The following ATP8A2 variants were observed in gnomAD, a reference collection of about 807,000 sequenced individuals.
ATP8A2 encodes ATPase phospholipid transporting 8A2, also known as phospholipid-transporting ATPase IB.
Under a neutral mutation model 165.6 loss-of-function variants are expected in ATP8A2, and 100 were observed. The observed-to-expected ratio is 0.60, with a 90% CI of 0.51 to 0.71. The LOEUF (loss-of-function observed/expected upper bound fraction) is 0.71, where lower values mean the gene tolerates loss of function less well. Ranked by LOEUF, ATP8A2 falls within the 30% of genes least tolerant of loss-of-function variation. The pLI is 0.00. For synonymous variants in ATP8A2, 543 were observed against 548.8 expected (o/e 0.99, Z 0.15); for missense variants, 1,227 against 1,479.5 (o/e 0.83, Z 2.80).
At chr13:25,907,431 T>G (rs1953975469) in intron 33 of ATP8A2, among the ~76,000 whole-genome samples, 2 of 152,142 alleles carry the variant, frequency 1.3e-5, no homozygotes, top group Non-Finnish European at 2.9e-5. Flanking sequence ...TGGATAATCG[T>G]TTACTAACAA....
chr13:25,542,745 T>C (rs1316857275), intron 9 of ATP8A2, among the ~76,000 whole-genome samples: 1 of 152,160 alleles, frequency 6.6e-6, no homozygotes, highest in African/African-American at 2.4e-5. Context: ...TGACTGCTTC[T>C]TGGTTTCATT....
intron 25 of ATP8A2, among the ~76,000 whole-genome samples, chr13:25,719,149 G>T (rs1023306548): frequency 6.6e-6 from 1 of 152,170 alleles, no homozygotes; most frequent in African/African-American, 2.4e-5. Context: ...CCGTGATCCG[G>T]CTCTATGCTT....
At chr13:25,413,278 G>GTTTTTTTTTTTTTTTTTTTTTT (rs1195456593) in intron 1 of ATP8A2, among the ~76,000 whole-genome samples, 2 of 105,260 alleles carry the variant, frequency 1.9e-5, no homozygotes, top group East Asian at 3.3e-4. Flanking sequence ...CTTTTTCTTT[G>GTTTTTTTTTTTTTTTTTTTTTT]TTTTTTTTTT....
chr13:25,781,234 ACTCCAGC>A (rs974427808), intron 27 of ATP8A2, among the ~76,000 whole-genome samples: 20 of 152,206 alleles, frequency 1.3e-4, no homozygotes, highest in African/African-American at 4.6e-4. Context: ...GTGCCACTGC[ACTCCAGC>A]CTGGGTGACA....
intron 1 of ATP8A2, among the ~76,000 whole-genome samples, chr13:25,451,113 T>C (rs1402116953): frequency 6.6e-6 from 1 of 152,146 alleles, no homozygotes; most frequent in Non-Finnish European, 1.5e-5. Context: ...TGAGGTTGTC[T>C]CGTAGGTCAC....
intron 33 of ATP8A2, among the ~76,000 whole-genome samples, chr13:25,877,921 C>T (rs3742217): frequency 0.075 from 11,454 of 152,200 alleles, 716 homozygotes; most frequent in East Asian, 0.18. Flanking sequence ...ACAGTGTCAC[C>T]TGTGTATACA....
chr13:25,954,696 C>G (rs1462480774), intron 33 of ATP8A2, among the ~76,000 whole-genome samples: 1 of 152,212 alleles, frequency 6.6e-6, no homozygotes, highest in Non-Finnish European at 1.5e-5. Context: ...TTTGCAGCCT[C>G]TGCTGTTGAT....
At position 25,837,420 on chromosome 13, in the gene ATP8A2, CCACCA is replaced by C. The variant is rs869139260; in HGVS notation, c.2877+139_2877+143del. 145 of 625,262 alleles carry C rather than the reference CCACCA, an allele frequency of 2.3e-4. No homozygotes were observed. In the African/African-American group the frequency reaches 2.5e-3, roughly 11 times the overall value. 38.7% of individuals were successfully genotyped at this position (625,262 alleles called of 1,614,324 possible). ...CTGAAAACATGATCCACTCACCCCA[CCACCA>C]CACACACACACACACACACACACAC... is the stretch of plus-strand genomic sequence containing the variant. On this transcript the variant is annotated intron_variant, in intron 29 of 36. Coordinates refer to ENST00000381655, the MANE Select transcript of ATP8A2 (RefSeq NM_016529.6).
At chr13:25,477,245 G>C (rs1023823818) in intron 2 of ATP8A2, among the ~76,000 whole-genome samples, 1 of 152,176 alleles carries the variant, frequency 6.6e-6, no homozygotes, top group Non-Finnish European at 1.5e-5. Context: ...CATTTGGTTT[G>C]AGAATTTTGG....
At chr13:25,824,237 G>A (rs58777314) in intron 27 of ATP8A2, among the ~76,000 whole-genome samples, 1,894 of 152,270 alleles carry the variant, frequency 0.012, 43 homozygotes, top group African/African-American at 0.041. Context: ...CTCCCAAAGT[G>A]CTGGGATTAC....
At chr13:25,646,863 G>A (rs1431347339) in intron 24 of ATP8A2, among the ~76,000 whole-genome samples, 1 of 151,834 alleles carries the variant, frequency 6.6e-6, no homozygotes, top group Non-Finnish European at 1.5e-5. Flanking sequence ...CTGTAATGAC[G>A]TGCTTTGAAT....
At chr13:25,598,229 C>T (rs2138352440) in intron 24 of ATP8A2, among the ~76,000 whole-genome samples, 1 of 152,226 alleles carries the variant, frequency 6.6e-6, no homozygotes, top group African/African-American at 2.4e-5. Flanking sequence ...GTGTATGTAT[C>T]CCTCTTTGTG....
chr13:25,715,520 AG>A (rs2043238312), intron 25 of ATP8A2, among the ~76,000 whole-genome samples: 1 of 152,140 alleles, frequency 6.6e-6, no homozygotes, highest in African/African-American at 2.4e-5. Context: ...CCCCAGCCCA[AG>A]GCAACCACTT....
At chr13:26,003,254 G>A (rs1956672138) in intron 35 of ATP8A2, among the ~76,000 whole-genome samples, 1 of 150,392 alleles carries the variant, frequency 6.6e-6, no homozygotes. Flanking sequence ...ATCTCATTGT[G>A]ATTTTAACTG....
intron 2 of ATP8A2, among the ~76,000 whole-genome samples, chr13:25,472,453 G>A (rs2035874273): frequency 6.6e-6 from 1 of 151,414 alleles, no homozygotes; most frequent in Non-Finnish European, 1.5e-5. Context: ...AAGGATTTGA[G>A]AAAACGTCGA....
At chr13:25,773,365 C>G (rs993139366) in intron 26 of ATP8A2, among the ~76,000 whole-genome samples, 1 of 152,182 alleles carries the variant, frequency 6.6e-6, no homozygotes, top group Non-Finnish European at 1.5e-5. Flanking sequence ...CGCACCAGAC[C>G]AGAGAAACTC....
intron 35 of ATP8A2, among the ~76,000 whole-genome samples, chr13:25,986,237 T>C (rs1339206765): frequency 6.6e-6 from 1 of 152,254 alleles, no homozygotes; most frequent in African/African-American, 2.4e-5. Context: ...ACTGAAGATC[T>C]ACTCTCAGCA....
chr13:25,511,895 T>C (rs2037237342), intron 2 of ATP8A2, among the ~76,000 whole-genome samples: 2 of 152,076 alleles, frequency 1.3e-5, no homozygotes, highest in South Asian at 4.2e-4. Context: ...GAACTCTTTT[T>C]TTTTTTTTTA....
intron 34 of ATP8A2, among the ~76,000 whole-genome samples, chr13:25,962,622 A>G (rs957416817): frequency 5.9e-5 from 9 of 152,194 alleles, no homozygotes; most frequent in African/African-American, 1.9e-4. Flanking sequence ...ATAGGTGCCA[A>G]CTTCTCTGAA....
Sources: allele counts gnomAD v4.1 joint callset (sites outside exome capture counted in the v4.1 genomes callset), GRCh38; gene constraint gnomAD v4.1.1; transcripts MANE v1.5; gene names NCBI Gene and HGNC (gene_info 2026-07-23, HGNC 2026-07-21).